Variants in BICRAL observed in about 807,000 individuals in gnomAD.
BICRAL encodes BICRA like chromatin remodeling complex associated protein.
In BICRAL, 8 loss-of-function variants were observed where a neutral mutation model predicts 91.8. The ratio of observed to expected loss-of-function variants is 0.09; its 90% confidence interval spans 0.05 to 0.16. BICRAL has a LOEUF of 0.16. Ranked by LOEUF, BICRAL falls within the 10% of genes least tolerant of loss-of-function variation. BICRAL has a pLI of 1.00. For synonymous variants in BICRAL, 445 were observed against 491.1 expected (o/e 0.91, Z 1.24); for missense variants, 1,038 against 1,310.9 (o/e 0.79, Z 3.21).
chr6:42,757,258 CT>C (rs61573478), intron 1 of BICRAL, among the ~76,000 whole-genome samples: 32 of 145,270 alleles, frequency 2.2e-4, no homozygotes, highest in Admixed American at 2.8e-4. Context: ...TTTTTTAACT[CT>C]TTTTTTTTTT....
intron 1 of BICRAL, among the ~76,000 whole-genome samples, chr6:42,803,687 G>A (rs1009867595): frequency 1.3e-5 from 2 of 152,192 alleles, no homozygotes; most frequent in Admixed American, 1.3e-4. Context: ...CAGTTTTCAT[G>A]GAACTTGTAA....
chr6:42,856,000 G>C, intron 9 of BICRAL, 83 bp downstream of exon 9: 1 of 1,113,072 alleles, frequency 9.0e-7, no homozygotes, highest in Non-Finnish European at 1.4e-6. Context: ...ACAGAAAACA[G>C]GTTATAATAA....
At position 42,855,972 on chromosome 6, in the gene BICRAL, G is replaced by A. The variant is rs1326730293; in HGVS notation, c.2108+55G>A. ...TTCTGAACACTTCTTTGGGTCCCTAGCCTTCAATAAATATACCACAGAAAA... is the reference window on the plus strand; with the variant it reads ...TTCTGAACACTTCTTTGGGTCCCTAACCTTCAATAAATATACCACAGAAAA... On this transcript the variant is annotated intron_variant, in intron 9 of 12. Coordinates refer to ENST00000314073, the MANE Select transcript of BICRAL (RefSeq NM_001393499.1). 5.2e-6 allele frequency: 7 copies of A among 1,352,584 alleles called. No individual in the cohort carries two copies. In the African/African-American group the frequency reaches 5.7e-5, roughly 11 times the overall value. 83.8% of individuals were successfully genotyped at this position (1,352,584 alleles called of 1,614,324 possible). A position where few individuals can be genotyped will look rare whatever the true frequency, so the allele number is the denominator to read the frequency against.
At chr6:42,778,984 AT>A (rs1282901260), upstream of BICRAL, among the ~76,000 whole-genome samples, 117 of 145,884 alleles carry the variant, frequency 8.0e-4, no homozygotes, top group South Asian at 7.0e-3. Flanking sequence ...CGCCTGGCTA[AT>A]TTTTTTTTTT....
chr6:42,804,794 C>T (rs543646069), intron 1 of BICRAL, among the ~76,000 whole-genome samples: 120 of 152,256 alleles, frequency 7.9e-4, no homozygotes, highest in Non-Finnish European at 1.3e-4. Context: ...TGCCTGCCTT[C>T]GGGATGGCAG....
At position 42,864,837 on chromosome 6, in the gene BICRAL, G is replaced by A; in HGVS notation, c.2631G>A (p.Gln877=). The part of the protein sequence containing the change: ...TGVTEPMNHD[Q]FHLVPNHIVV... ...TGACGGAACCCATGAATCATGACCAGTTTCATCTAGTGCCTAATCACATCG... is the reference window on the plus strand; with the variant it reads ...TGACGGAACCCATGAATCATGACCAATTTCATCTAGTGCCTAATCACATCG... The change falls in exon 13 of 13, where the codon CAG becomes CAA. Residue 877 remains glutamine, a synonymous_variant. Transcript: ENST00000314073. 1 of 1,614,194 alleles carries A rather than the reference G, an allele frequency of 6.2e-7. No homozygotes were observed. Among genetic ancestry groups the A allele is most frequent in the Non-Finnish European group, 8.5e-7 (1 of 1,180,034 alleles).
rs745721447 is a variant in BICRAL, at chr6:42,822,992, G to T, written c.148G>T (p.Ala50Ser). Residue 50 changes from alanine to serine, a missense_variant, in exon 5 of 13, where the codon GCC becomes TCC. Transcript: ENST00000314073. ...TGCAGCCAATTCAAATTCAATTTTC[G>T]CCAACTCTAGTGTGAGTATTGGAAA... is the stretch of plus-strand genomic sequence containing the variant. ...YSAANSNSIF[A>S]NSSNADPKSS... 6 of 1,600,544 alleles carry T rather than the reference G, an allele frequency of 3.7e-6. No individual in the cohort carries two copies. The highest frequency in any genetic ancestry group is 3.3e-5 in the Admixed American group (2 of 59,970).
At chr6:42,818,906 T>C (rs1194651676) in intron 2 of BICRAL, among the ~76,000 whole-genome samples, 1 of 152,236 alleles carries the variant, frequency 6.6e-6, no homozygotes, top group Non-Finnish European at 1.5e-5. Context: ...AAATATTAGC[T>C]TTAATTTTTT....
chr6:42,786,229 A>C (rs1763100782), intron 1 of BICRAL, among the ~76,000 whole-genome samples: 1 of 152,174 alleles, frequency 6.6e-6, no homozygotes, highest in Non-Finnish European at 1.5e-5. Context: ...AGTAGTTTAA[A>C]ACTTAGATTT....
At chr6:42,813,791 G>T (rs970428894) in intron 2 of BICRAL, among the ~76,000 whole-genome samples, 8 of 152,140 alleles carry the variant, frequency 5.3e-5, no homozygotes, top group East Asian at 3.9e-4. Flanking sequence ...AAAGTGCTAG[G>T]ATTACAGGCG....
At chr6:42,761,070 C>G (rs1399200284) in intron 1 of BICRAL, among the ~76,000 whole-genome samples, 2 of 152,130 alleles carry the variant, frequency 1.3e-5, no homozygotes, top group African/African-American at 4.8e-5. Flanking sequence ...GTACTTAAAT[C>G]TCTTAAAACT....
intron 1 of BICRAL, among the ~76,000 whole-genome samples, chr6:42,802,428 T>TG (rs142098476): frequency 0.058 from 6,021 of 104,006 alleles, 155 homozygotes; most frequent in South Asian, 0.11. Context: ...CGTGTTTTTT[T>TG]TTGTTGTTGT....
At chr6:42,767,087 G>A (rs1762647925) in intron 1 of BICRAL, among the ~76,000 whole-genome samples, 3 of 151,808 alleles carry the variant, frequency 2.0e-5, no homozygotes, top group Admixed American at 2.0e-4. Flanking sequence ...GGGAGGCAGA[G>A]GTTGTAGTGA....
chr6:42,843,716 A>G (rs755838273), intron 6 of BICRAL, among the ~76,000 whole-genome samples: 124 of 152,284 alleles, frequency 8.1e-4, no homozygotes, highest in South Asian at 1.7e-3. Flanking sequence ...AGGACAGCCA[A>G]ATTATATGAT....
chr6:42,830,033 CAGG>C lies in BICRAL; in HGVS notation c.1703_1705del (p.Gly568del), dbSNP rs777324733. 42 of 1,614,194 alleles carry C rather than the reference CAGG, an allele frequency of 2.6e-5. No individual in the cohort carries two copies. Among genetic ancestry groups the C allele is most frequent in the Admixed American group, 3.3e-5 (2 of 60,022 alleles). ...TCTGGTTCATCAGGATCAAACTTTA[CAGG>C]AGATCAGCTGACCCAGCCAAACAGG... On this transcript the variant is annotated inframe_deletion, in exon 6 of 13. Transcript: ENST00000314073.
chr6:42,833,426 A>G (rs141243486), intron 6 of BICRAL, among the ~76,000 whole-genome samples: 8 of 152,008 alleles, frequency 5.3e-5, no homozygotes, highest in African/African-American at 1.9e-4. Context: ...ATGCCCCGGC[A>G]TGCAGCTTTG....
At chr6:42,795,042 C>T (rs1450386979) in intron 1 of BICRAL, among the ~76,000 whole-genome samples, 1 of 151,864 alleles carries the variant, frequency 6.6e-6, no homozygotes, top group Non-Finnish European at 1.5e-5. Context: ...AAGAGAATTA[C>T]GCATGAACGA....
chr6:42,765,546 C>T, intron 1 of BICRAL, among the ~76,000 whole-genome samples: 1 of 152,194 alleles, frequency 6.6e-6, no homozygotes, highest in East Asian at 1.9e-4. Context: ...TTTGTCTTCA[C>T]AGAGTAATTC....
Position 42,862,405 on chromosome 6 carries a change from C to G in BICRAL, c.2350-105C>G, listed in dbSNP as rs938266145. 4 of 758,246 alleles carry G rather than the reference C, an allele frequency of 5.3e-6. No individual in the cohort carries two copies. In the African/African-American group the frequency reaches 6.9e-5, roughly 13 times the overall value. 47.0% of individuals were successfully genotyped at this position (758,246 alleles called of 1,614,324 possible). On this transcript the variant is annotated intron_variant, in intron 11 of 12. Transcript: ENST00000314073. ...GAAAGGAGGCTCACTTTTCACATGC[C>G]CTGTAGTATCTTTTGAATTTTGTAC...
Sources: gnomAD v4.1 joint callset for allele counts (sites outside exome capture counted in the v4.1 genomes callset) on GRCh38, gnomAD v4.1.1 for gene constraint, MANE v1.5 for transcripts, NCBI Gene and HGNC (gene_info 2026-07-23, HGNC 2026-07-21) for gene names.